The following VOPP1 variants were observed in gnomAD, a reference collection of about 807,000 sequenced individuals.
VOPP1 encodes the protein VOPP1 WW domain binding protein.
A neutral mutation model predicts 23.5 loss-of-function variants in VOPP1; 8 were observed. The ratio of observed to expected loss-of-function variants is 0.34; its 90% CI spans 0.20 to 0.61. The LOEUF (loss-of-function observed/expected upper bound fraction) is 0.61. VOPP1 is among the 20% of genes least tolerant of loss of function. The pLI, the probability that VOPP1 is intolerant of heterozygous loss-of-function variation, is 0.78. For missense variants in VOPP1, 174 were observed against 238.1 expected, an observed-to-expected ratio of 0.73 and a Z score of 1.77; for synonymous variants, 83 against 97.3, an observed-to-expected ratio of 0.85 and a Z score of 0.86.
chr7:55,521,798 C>T (rs1795882468), intron 1 of VOPP1: 2 of 986,118 alleles, frequency 2.0e-6, no homozygotes, highest in Non-Finnish European at 1.2e-6. Context: ...GGGCCAGATG[C>T]CACCTGGAGG....
At chr7:55,454,382 T>A (rs1433768122) in intron 4 of VOPP1, among the ~76,000 whole-genome samples, 1 of 152,202 alleles carries the variant, frequency 6.6e-6, no homozygotes, top group Non-Finnish European at 1.5e-5. Context: ...AAAGAGGAGC[T>A]GGGAACATTC....
intron 1 of VOPP1, among the ~76,000 whole-genome samples, chr7:55,564,518 G>C (rs1237438350): frequency 6.6e-6 from 1 of 151,656 alleles, no homozygotes; most frequent in African/African-American, 2.4e-5. Context: ...CCCTTTTTTT[G>C]TCTTACCTAG....
At chr7:55,533,860 C>T (rs1301416905) in intron 1 of VOPP1, among the ~76,000 whole-genome samples, 2 of 152,182 alleles carry the variant, frequency 1.3e-5, no homozygotes, top group African/African-American at 2.4e-5. Context: ...TTTCTTCTTA[C>T]CTTTTCTCGT....
chr7:55,448,778 G>A (rs1791166264), intron 4 of VOPP1, among the ~76,000 whole-genome samples: 1 of 152,256 alleles, frequency 6.6e-6, no homozygotes, highest in African/African-American at 2.4e-5. Flanking sequence ...GCTGGCAACG[G>A]TGGGCCCGGA....
At chr7:55,486,568 G>A (rs1793162112) in intron 4 of VOPP1, among the ~76,000 whole-genome samples, 1 of 152,136 alleles carries the variant, frequency 6.6e-6, no homozygotes, top group Non-Finnish European at 1.5e-5. Flanking sequence ...CTGGTGAGGA[G>A]GCCCGCCATA....
chr7:55,569,131 A>C (rs779001081), intron 1 of VOPP1, among the ~76,000 whole-genome samples: 2 of 152,208 alleles, frequency 1.3e-5, no homozygotes, highest in Non-Finnish European at 1.5e-5. Flanking sequence ...ACTCTGAGTT[A>C]ATAGAAAAGA....
chr7:55,512,852 T>A (rs1795170897), intron 2 of VOPP1, among the ~76,000 whole-genome samples: 1 of 152,232 alleles, frequency 6.6e-6, no homozygotes, highest in African/African-American at 2.4e-5. Flanking sequence ...GGGCACCTGC[T>A]GGTGAGAGGT....
chr7:55,478,509 A>G (rs538374388), intron 4 of VOPP1, among the ~76,000 whole-genome samples: 1 of 152,336 alleles, frequency 6.6e-6, no homozygotes, highest in South Asian at 2.1e-4. Flanking sequence ...AACAAATAGC[A>G]AAAGAAACTA....
chr7:55,448,744 G>A (rs1791165043), intron 4 of VOPP1, among the ~76,000 whole-genome samples: 1 of 152,268 alleles, frequency 6.6e-6, no homozygotes, highest in Non-Finnish European at 1.5e-5. Flanking sequence ...AGTGCCCAGC[G>A]CGGCCCCAGC....
In VOPP1 at chr7:55,438,062, C is replaced by T. The variant is rs530818994; in HGVS notation, n.418-1888G>A. 1.3e-4 allele frequency among the ~76,000 whole-genome samples: 20 copies of T among 152,018 alleles called. No homozygotes were observed. In the East Asian group the frequency reaches 1.4e-3, roughly 10 times the overall value. ...GATTACAGGCGCCCCCAACCTCACCCGGCTAATTTTTTGTATTTTTAGTAG... is the reference window on the plus strand; with the variant it reads ...GATTACAGGCGCCCCCAACCTCACCTGGCTAATTTTTTGTATTTTTAGTAG... On this transcript the variant is annotated intron_variant and non_coding_transcript_variant, in intron 4 of 4. Transcript: ENST00000462326.
chr7:55,525,138 C>T (rs1243142628), intron 1 of VOPP1, among the ~76,000 whole-genome samples: 2 of 152,156 alleles, frequency 1.3e-5, no homozygotes, highest in Non-Finnish European at 2.9e-5. Flanking sequence ...CTGACCCTGA[C>T]TGCAACCTGC....
intron 2 of VOPP1, among the ~76,000 whole-genome samples, chr7:55,512,262 C>A (rs1049288735): frequency 2.6e-5 from 4 of 152,032 alleles, no homozygotes; most frequent in Non-Finnish European, 5.9e-5. Flanking sequence ...CCCATCTCTA[C>A]TAAAAATACA....
chr7:55,564,264 T>TCTCTCTCTCTCTCG (rs1369462395), intron 1 of VOPP1, among the ~76,000 whole-genome samples: 15 of 151,050 alleles, frequency 9.9e-5, no homozygotes, highest in African/African-American at 3.4e-4. Context: ...TCTCTCTCTC[T>TCTCTCTCTCTCTCG]CTCGCTCGCT....
At chr7:55,489,941 A>G (rs1025413812) in intron 4 of VOPP1, among the ~76,000 whole-genome samples, 19 of 152,280 alleles carry the variant, frequency 1.2e-4, no homozygotes, top group Admixed American at 1.1e-3. Context: ...TATGGGTACA[A>G]CACAGAGCAG....
In VOPP1 at chr7:55,556,701, C is replaced by G. The variant is rs1797820382; in HGVS notation, c.54+15570G>C. Reference sequence around the variant, plus strand: ...CTGTGATCTGAGTCACATATGGTTACAATTTATGTTTCTCAGATTATAGAT... The same window carrying G: ...CTGTGATCTGAGTCACATATGGTTAGAATTTATGTTTCTCAGATTATAGAT... On this transcript the variant is annotated intron_variant, in intron 1 of 4. Transcript: ENST00000285279. 1.3e-5 allele frequency among the ~76,000 whole-genome samples: 2 copies of G among 150,682 alleles called. 1 individual carries two copies. Among genetic ancestry groups the G allele is most frequent in the South Asian group, 4.3e-4 (2 of 4,688 alleles).
At chr7:55,569,761 G>A (rs1798286943) in intron 1 of VOPP1, among the ~76,000 whole-genome samples, 1 of 152,136 alleles carries the variant, frequency 6.6e-6, no homozygotes, top group African/African-American at 2.4e-5. Flanking sequence ...GGATGGTGAG[G>A]CAGGGGAGGA....
At chr7:55,464,411 C>A (rs1791582947) in intron 4 of VOPP1, among the ~76,000 whole-genome samples, 1 of 152,038 alleles carries the variant, frequency 6.6e-6, no homozygotes, top group Admixed American at 6.5e-5. Context: ...AGGATGGTGC[C>A]TGGCAAACCA....
At chr7:55,523,645 A>G (rs1796006790) in intron 1 of VOPP1, among the ~76,000 whole-genome samples, 1 of 152,028 alleles carries the variant, frequency 6.6e-6, no homozygotes, top group Non-Finnish European at 1.5e-5. Context: ...CCAATGAACA[A>G]CTCTCTTTCA....
chr7:55,547,361 C>T (rs2129052670), intron 1 of VOPP1, among the ~76,000 whole-genome samples: 1 of 152,278 alleles, frequency 6.6e-6, no homozygotes, highest in South Asian at 2.1e-4. Context: ...GGCTCCAAGG[C>T]TTTCTAAGGT....
Sources: gnomAD v4.1 joint callset for allele counts (sites outside exome capture counted in the v4.1 genomes callset) on GRCh38, gnomAD v4.1.1 for gene constraint, MANE v1.5 for transcripts, NCBI Gene and HGNC (gene_info 2026-07-23, HGNC 2026-07-21) for gene names.